Variants in HLCS observed in about 807,000 individuals in gnomAD.
The protein encoded by HLCS is holocarboxylase synthetase.
HLCS carries 53 observed loss-of-function variants against 75.0 expected under a neutral mutation model. The ratio of observed to expected loss-of-function variants is 0.71; its 90% CI spans 0.57 to 0.89. The LOEUF (loss-of-function observed/expected upper bound fraction) is 0.89. HLCS is among the 40% of genes least tolerant of loss of function. The pLI is 0.00. For missense variants in HLCS, 966 were observed against 1,074.0 expected (o/e 0.90, Z 1.41); for synonymous variants, 431 against 428.6 (o/e 1.01, Z -0.07).
intron 2 of HLCS, among the ~76,000 whole-genome samples, chr21:36,946,690 T>C (rs867498444): frequency 1.4e-4 from 22 of 152,180 alleles, no homozygotes; most frequent in African/African-American, 5.3e-4. Flanking sequence ...CAGGCCTTTA[T>C]GGCCAACTCA....
At chr21:36,957,743 C>G (rs1328204908) in intron 2 of HLCS, among the ~76,000 whole-genome samples, 2 of 149,676 alleles carry the variant, frequency 1.3e-5, no homozygotes, top group Non-Finnish European at 3.0e-5. Context: ...TCCCGACTAA[C>G]ATGGTGAAAC....
At chr21:36,986,479 T>C (rs2069231850) in intron 1 of HLCS, among the ~76,000 whole-genome samples, 1 of 152,334 alleles carries the variant, frequency 6.6e-6, no homozygotes, top group South Asian at 2.1e-4. Flanking sequence ...AGTGCAATGG[T>C]GCGATCTCAG....
chr21:36,773,315 C>T (rs184940333), intron 6 of HLCS, among the ~76,000 whole-genome samples: 65 of 152,354 alleles, frequency 4.3e-4, no homozygotes, highest in Admixed American at 9.8e-4. Flanking sequence ...ATACCTGTCC[C>T]GTGGCTCATT....
chr21:36,790,138 G>A (rs2060813689), intron 6 of HLCS, among the ~76,000 whole-genome samples: 1 of 152,180 alleles, frequency 6.6e-6, no homozygotes, highest in Non-Finnish European at 1.5e-5. Flanking sequence ...TGGCGCAGTG[G>A]CTCATGCCTA....
At chr21:36,891,637 C>T (rs574686408) in intron 6 of HLCS, among the ~76,000 whole-genome samples, 5 of 152,306 alleles carry the variant, frequency 3.3e-5, no homozygotes, top group African/African-American at 1.2e-4. Context: ...CTGTTAGAAG[C>T]TGTATCCTTA....
At chr21:36,784,914 C>T (rs1255602042) in intron 6 of HLCS, among the ~76,000 whole-genome samples, 1 of 152,090 alleles carries the variant, frequency 6.6e-6, no homozygotes. Context: ...AATTATAATA[C>T]TAATAAGAAG....
chr21:36,908,073 A>AAAAAAG (rs2065537787), intron 5 of HLCS, among the ~76,000 whole-genome samples: 1 of 152,146 alleles, frequency 6.6e-6, no homozygotes, highest in South Asian at 2.1e-4. Context: ...TGTCTCCAAA[A>AAAAAAG]AAAAAGAAAA....
At chr21:36,925,476 A>T (rs932385687) in intron 5 of HLCS, among the ~76,000 whole-genome samples, 8 of 152,192 alleles carry the variant, frequency 5.3e-5, no homozygotes, top group African/African-American at 1.9e-4. Context: ...CAAGCTCTCT[A>T]GTTCCCCAAG....
intron 1 of HLCS, among the ~76,000 whole-genome samples, chr21:36,983,698 G>A (rs570743879): frequency 2.4e-4 from 36 of 151,776 alleles, no homozygotes; most frequent in Admixed American, 2.1e-3. Flanking sequence ...TTAGCCCGGC[G>A]TGGTGGCGGG....
chr21:36,804,905 A>G (rs1344958658), intron 6 of HLCS, among the ~76,000 whole-genome samples: 1 of 152,224 alleles, frequency 6.6e-6, no homozygotes, highest in African/African-American at 2.4e-5. Flanking sequence ...GTCCAATTCT[A>G]TCAGCTGATA....
Position 36,904,550 on chromosome 21 carries a change from C to T in HLCS, c.1621-7419G>A, listed in dbSNP as rs187766343. On this transcript the variant is annotated intron_variant, in intron 5 of 10. Transcript: ENST00000674895. Reference sequence around the variant, plus strand: ...CCTCTTATGAAACATAACTATATACCACCCATAATTCTCTTAAATATTTAT... The same window carrying T: ...CCTCTTATGAAACATAACTATATACTACCCATAATTCTCTTAAATATTTAT... Among the ~76,000 whole-genome samples the T allele has an allele frequency of 1.7e-3, 255 of 152,112 alleles. 2 individuals carry two copies. Among genetic ancestry groups the T allele is most frequent in the African/African-American group, 6.0e-3 (248 of 41,498 alleles).
intron 6 of HLCS, among the ~76,000 whole-genome samples, chr21:36,871,191 T>C (rs1376147718): frequency 6.6e-6 from 1 of 152,112 alleles, no homozygotes; most frequent in East Asian, 1.9e-4. Flanking sequence ...AAATTTAGAT[T>C]TTTAAAATAT....
chr21:36,780,146 C>T (rs776116689), intron 6 of HLCS, among the ~76,000 whole-genome samples: 2 of 152,204 alleles, frequency 1.3e-5, no homozygotes, highest in Non-Finnish European at 2.9e-5. Flanking sequence ...AGGTTGCATA[C>T]TCCTTATGAG....
intron 5 of HLCS, among the ~76,000 whole-genome samples, chr21:36,928,410 A>G (rs948096671): frequency 6.6e-6 from 1 of 152,132 alleles, no homozygotes; most frequent in African/African-American, 2.4e-5. Context: ...CTCTACAAAA[A>G]GTATTAAAAA....
In HLCS at chr21:36,938,821, A is replaced by G. The variant is rs753050408; in HGVS notation, c.493+11T>C. On this transcript the variant is annotated intron_variant, in intron 3 of 10. Transcript: ENST00000674895. ...GCCTGGCCAATAAAAACATTTTCTA[A>G]AGTTACTTACACACAATCTTTTGGG... is the stretch of plus-strand genomic sequence containing the variant. 1 of 1,613,824 alleles carries G rather than the reference A, an allele frequency of 6.2e-7. No homozygotes were observed. The highest frequency in any genetic ancestry group is 1.7e-5 in the Admixed American group (1 of 60,010).
rs528323734 is a variant in HLCS, at chr21:36,951,613, T to C, written c.330+10423A>G. Among the ~76,000 whole-genome samples, 5 of 152,334 alleles carry C rather than the reference T, an allele frequency of 3.3e-5. No individual in the cohort carries two copies. The South Asian group carries it at 1.0e-3, about 32-fold the overall frequency. On this transcript the variant is annotated intron_variant, in intron 2 of 10. Transcript: ENST00000674895. The stretch of plus-strand genomic sequence containing the variant: ...AGGGAATGTCATCTCTGAATGAATC[T>C]TTCATCTCCATGTAACACATGCCTC...
At chr21:36,957,270 G>T (rs1018230242) in intron 2 of HLCS, among the ~76,000 whole-genome samples, 2 of 152,024 alleles carry the variant, frequency 1.3e-5, no homozygotes, top group African/African-American at 4.8e-5. Context: ...AAAAATGTGT[G>T]GCACCTCCCC....
chr21:36,818,408 C>T (rs924347772), intron 6 of HLCS, among the ~76,000 whole-genome samples: 4 of 152,176 alleles, frequency 2.6e-5, no homozygotes, highest in South Asian at 2.1e-4. Flanking sequence ...TAAAATAAGA[C>T]GGTTCATTAA....
intron 1 of HLCS, among the ~76,000 whole-genome samples, chr21:36,988,173 C>T (rs369856162): frequency 6.0e-4 from 92 of 152,236 alleles, no homozygotes; most frequent in African/African-American, 2.0e-3. Flanking sequence ...AGACTTTCAC[C>T]CCATTCTCAT....
Sources: gnomAD v4.1 joint callset for allele counts (sites outside exome capture counted in the v4.1 genomes callset) on GRCh38, gnomAD v4.1.1 for gene constraint, MANE v1.5 for transcripts, NCBI Gene and HGNC (gene_info 2026-07-23, HGNC 2026-07-21) for gene names.